The following TRPM7 variants were observed in gnomAD, a reference collection of about 807,000 sequenced individuals.
TRPM7 encodes the protein transient receptor potential cation channel subfamily M member 7.
Under a neutral mutation model 229.7 loss-of-function variants are expected in TRPM7, and 134 were observed. The ratio of observed to expected loss-of-function variants is 0.58; its 90% confidence interval spans 0.51 to 0.67. TRPM7 has a LOEUF of 0.67. Ranked by LOEUF, TRPM7 falls within the 30% of genes least tolerant of loss-of-function variation. The pLI is 0.00. For synonymous variants in TRPM7, 699 were observed against 715.2 expected, an observed-to-expected ratio of 0.98 and a Z score of 0.36; for missense variants, 1,901 against 2,210.0, an observed-to-expected ratio of 0.86 and a Z score of 2.80.
chr15:50,586,503 C>T lies in TRPM7; in HGVS notation c.4390-15G>A. ...GTATTGTTATTCTGCAAATATTGTG[C>T]AGACATATAATTTGAAAATAATTGA... On this transcript the variant is annotated splice_polypyrimidine_tract_variant and intron_variant, in intron 27 of 38. Transcript: ENST00000646667. 1.9e-6 allele frequency: 3 copies of T among 1,543,498 alleles called. No homozygotes were observed. The highest frequency in any genetic ancestry group is 1.1e-5 in the South Asian group (1 of 88,862).
chr15:50,679,824 C>T (rs1471357209), intron 1 of TRPM7, among the ~76,000 whole-genome samples: 3 of 152,004 alleles, frequency 2.0e-5, no homozygotes, highest in African/African-American at 7.3e-5. Context: ...CAAGAGCCAC[C>T]ATGCCCAGTC....
intron 22 of TRPM7, among the ~76,000 whole-genome samples, chr15:50,597,595 C>T (rs948249995): frequency 4.6e-5 from 7 of 152,078 alleles, no homozygotes; most frequent in African/African-American, 1.7e-4. Context: ...AACAACTACA[C>T]AATTAGAGTC....
intron 1 of TRPM7, among the ~76,000 whole-genome samples, chr15:50,674,146 G>T (rs1212222011): frequency 6.6e-6 from 1 of 152,004 alleles, no homozygotes; most frequent in Non-Finnish European, 1.5e-5. Flanking sequence ...CTGCCACCAC[G>T]CCCAGCTAAT....
chr15:50,665,511 A>C (rs928503934), intron 1 of TRPM7, among the ~76,000 whole-genome samples: 2 of 152,170 alleles, frequency 1.3e-5, no homozygotes, highest in Non-Finnish European at 2.9e-5. Flanking sequence ...ACATAATGTA[A>C]ATAAAAATTT....
Position 50,586,566 on chromosome 15 carries a change from T to A in TRPM7, c.4390-78A>T, listed in dbSNP as rs1301915616. On this transcript the variant is annotated intron_variant, in intron 27 of 38. Transcript: ENST00000646667. ...CCCATTACTCTAAGTAGTATTAGAGTCCCTTGATCTATTTAGCTCAATATG... is the reference window on the plus strand; with the variant it reads ...CCCATTACTCTAAGTAGTATTAGAGACCCTTGATCTATTTAGCTCAATATG... 1.0e-5 allele frequency: 9 copies of A among 869,942 alleles called. No individual in the cohort carries two copies. The South Asian group carries it at 1.4e-4, about 14-fold the overall frequency. 53.9% of individuals were successfully genotyped at this position (869,942 alleles called of 1,614,324 possible).
chr15:50,673,577 C>T (rs911663810), intron 1 of TRPM7, among the ~76,000 whole-genome samples: 1 of 152,070 alleles, frequency 6.6e-6, no homozygotes, highest in Admixed American at 6.6e-5. Flanking sequence ...CAATCTCATC[C>T]AGGTCACTGT....
chr15:50,587,001 C>T (rs936338536), intron 27 of TRPM7, among the ~76,000 whole-genome samples: 4 of 152,096 alleles, frequency 2.6e-5, no homozygotes, highest in Admixed American at 6.5e-5. Context: ...GCTGGCAGAA[C>T]GAGACTCCGT....
At chr15:50,673,567 C>G (rs1176900563) in intron 1 of TRPM7, among the ~76,000 whole-genome samples, 1 of 152,088 alleles carries the variant, frequency 6.6e-6, no homozygotes, top group Non-Finnish European at 1.5e-5. Context: ...TAAGAGTCTC[C>G]AATCTCATCC....
At chr15:50,684,068 T>C (rs2062302383) in intron 1 of TRPM7, among the ~76,000 whole-genome samples, 1 of 151,916 alleles carries the variant, frequency 6.6e-6, no homozygotes, top group Non-Finnish European at 1.5e-5. Context: ...GCCAGGCTAG[T>C]TTTGAACTCC....
intron 38 of TRPM7, among the ~76,000 whole-genome samples, chr15:50,568,316 T>C (rs1311751777): frequency 6.8e-6 from 1 of 147,960 alleles, no homozygotes; most frequent in African/African-American, 2.5e-5. Context: ...GTGCAAAAAG[T>C]CAAGAAAAAA....
intron 38 of TRPM7, among the ~76,000 whole-genome samples, chr15:50,569,464 C>T (rs1345370022): frequency 6.6e-6 from 1 of 152,104 alleles, no homozygotes; most frequent in African/African-American, 2.4e-5. Context: ...GGATCATTCC[C>T]GGACCTGGGT....
chr15:50,564,122 A>G (rs1006097716), intron 38 of TRPM7, among the ~76,000 whole-genome samples: 1 of 151,968 alleles, frequency 6.6e-6, no homozygotes, highest in Admixed American at 6.6e-5. Context: ...TCGGCCTCCC[A>G]AAGTGCTGAG....
chr15:50,637,536 TATTCAAAAC>T lies in TRPM7; in HGVS notation c.709_717del (p.Val237_Asn239del). The T allele has an allele frequency of 6.2e-7, 1 of 1,614,156 alleles. No individual in the cohort carries two copies. The highest frequency in any genetic ancestry group is 8.5e-7 in the Non-Finnish European group (1 of 1,180,016). ...ACCAATATGAAATGGGAATGCAGAT[TATTCAAAAC>T]ATTCAATTTGCTCAGGGGGTTCAAT... is the stretch of plus-strand genomic sequence containing the variant. On this transcript the variant is annotated inframe_deletion, in exon 7 of 39. Coordinates refer to ENST00000646667, the MANE Select transcript of TRPM7 (RefSeq NM_017672.6).
intron 1 of TRPM7, among the ~76,000 whole-genome samples, chr15:50,686,245 C>A (rs1204837190): frequency 6.6e-6 from 1 of 152,224 alleles, no homozygotes; most frequent in African/African-American, 2.4e-5. Flanking sequence ...CAGGTAGTCC[C>A]GGGCTCGCGC....
chr15:50,653,073 C>G (rs1289044233), intron 3 of TRPM7, among the ~76,000 whole-genome samples: 4 of 152,096 alleles, frequency 2.6e-5, no homozygotes, highest in African/African-American at 9.7e-5. Flanking sequence ...ATCACCTGAG[C>G]CCGGGAGGTC....
intron 29 of TRPM7, 97 bp downstream of exon 29, chr15:50,582,992 T>A (rs2054496016): frequency 1.1e-6 from 1 of 922,848 alleles, no homozygotes; most frequent in Non-Finnish European, 1.5e-6. Context: ...TTTTTTGAAT[T>A]TTTGATATAG....
At position 50,561,207 on chromosome 15, in the gene TRPM7, T is replaced by A. The variant is rs2053296504; in HGVS notation, c.*471A>T. On this transcript the variant is annotated 3_prime_UTR_variant, in exon 39 of 39. Transcript: ENST00000646667. ...CAAGCATCTAGTTGGGAACCAGTGA[T>A]ATCATCACTGAACACACTAAATACA... 1.3e-5 allele frequency: 2 copies of A among 153,494 alleles called. No homozygotes were observed. Among genetic ancestry groups the A allele is most frequent in the Non-Finnish European group, 2.9e-5 (2 of 68,670 alleles). 9.5% of individuals were successfully genotyped at this position (153,494 alleles called of 1,614,324 possible).
At chr15:50,564,680 T>G (rs1427042941) in intron 38 of TRPM7, among the ~76,000 whole-genome samples, 1 of 152,166 alleles carries the variant, frequency 6.6e-6, no homozygotes, top group East Asian at 1.9e-4. Context: ...GAATATGAAC[T>G]AATTTATTTT....
intron 31 of TRPM7, among the ~76,000 whole-genome samples, chr15:50,576,342 T>TTG (rs371294281): frequency 9.9e-5 from 15 of 151,902 alleles, no homozygotes; most frequent in African/African-American, 2.4e-4. Context: ...CCCCATCTTT[T>TTG]TGTGTGTGTG....
Sources: gnomAD v4.1 joint callset for allele counts (sites outside exome capture counted in the v4.1 genomes callset) on GRCh38, gnomAD v4.1.1 for gene constraint, MANE v1.5 for transcripts, NCBI Gene and HGNC (gene_info 2026-07-23, HGNC 2026-07-21) for gene names.